PLPP4: variants seen among roughly 807,000 people sequenced by gnomAD.
The protein encoded by PLPP4 is phospholipid phosphatase 4.
A neutral mutation model predicts 32.2 loss-of-function variants in PLPP4; 20 were observed. The ratio of observed to expected loss-of-function variants is 0.62; its 90% CI spans 0.44 to 0.90. The LOEUF (loss-of-function observed/expected upper bound fraction) is 0.90. Ranked by LOEUF, PLPP4 falls within the 40% of genes least tolerant of loss-of-function variation. The pLI, the probability that PLPP4 is intolerant of heterozygous loss-of-function variation, is 0.00. For synonymous variants in PLPP4, 127 were observed against 133.0 expected (o/e 0.95, Z 0.31); for missense variants, 257 against 353.1 (o/e 0.73, Z 2.18).
intron 6 of PLPP4, chr10:120,587,450 T>C (rs1162600369): frequency 6.6e-6 from 1 of 152,252 alleles, no homozygotes; most frequent in Non-Finnish European, 1.5e-5. Context: ...TGTACTTCTT[T>C]TCCTGCTTTG....
chr10:120,498,134 G>A (rs935870876), intron 1 of PLPP4, among the ~76,000 whole-genome samples: 2 of 152,146 alleles, frequency 1.3e-5, no homozygotes, highest in African/African-American at 4.8e-5. Flanking sequence ...ATCTGACTTT[G>A]GGCAGTTAAA....
intron 1 of PLPP4, among the ~76,000 whole-genome samples, chr10:120,501,743 C>G (rs1036174611): frequency 3.3e-5 from 5 of 152,192 alleles, no homozygotes; most frequent in Non-Finnish European, 5.9e-5. Flanking sequence ...CCTGGCCCAT[C>G]AGGGCCACCT....
At chr10:120,463,567 A>G (rs1848172734) in intron 1 of PLPP4, among the ~76,000 whole-genome samples, 1 of 152,230 alleles carries the variant, frequency 6.6e-6, no homozygotes, top group Admixed American at 6.5e-5. Flanking sequence ...AAAAATTGGT[A>G]ACTTCTCGCC....
chr10:120,478,354 G>A (rs1044097727), intron 1 of PLPP4, among the ~76,000 whole-genome samples: 1 of 152,194 alleles, frequency 6.6e-6, no homozygotes, highest in African/African-American at 2.4e-5. Flanking sequence ...GAAGGGAGGT[G>A]TTCAGGGTGC....
chr10:120,564,073 A>G (rs568230144), intron 5 of PLPP4, among the ~76,000 whole-genome samples: 18 of 152,138 alleles, frequency 1.2e-4, no homozygotes, highest in African/African-American at 4.3e-4. Context: ...ATGCAGTGCA[A>G]TAATGCTCAT....
At chr10:120,509,274 G>A (rs1845629570) in intron 2 of PLPP4, among the ~76,000 whole-genome samples, 1 of 152,176 alleles carries the variant, frequency 6.6e-6, no homozygotes, top group Non-Finnish European at 1.5e-5. Context: ...TAAGGAAACT[G>A]AGAATCAAAG....
chr10:120,516,854 G>A (rs886942824), intron 3 of PLPP4, among the ~76,000 whole-genome samples: 5 of 152,154 alleles, frequency 3.3e-5, no homozygotes, highest in Admixed American at 1.3e-4. Context: ...ATTGATCCCC[G>A]GAGGGTTGTG....
chr10:120,475,427 T>C (rs921387714), intron 1 of PLPP4, among the ~76,000 whole-genome samples: 2 of 152,196 alleles, frequency 1.3e-5, no homozygotes, highest in African/African-American at 4.8e-5. Context: ...GCCTTGTCCT[T>C]TTCCCATTCA....
intron 1 of PLPP4, among the ~76,000 whole-genome samples, chr10:120,462,638 A>C (rs1011511202): frequency 6.6e-6 from 1 of 152,214 alleles, no homozygotes; most frequent in Middle Eastern, 3.2e-3. Flanking sequence ...ATTCTGCATC[A>C]GTCCAAAGCA....
intron 1 of PLPP4, among the ~76,000 whole-genome samples, chr10:120,473,206 A>G (rs1848591907): frequency 6.6e-6 from 1 of 152,144 alleles, no homozygotes; most frequent in South Asian, 2.1e-4. Flanking sequence ...TTTTTCCCTA[A>G]GAGTATTGAA....
At position 120,564,699 on chromosome 10, in the gene PLPP4, A is replaced by G. The variant is rs1177084457; in HGVS notation, c.446-10432A>G. Among the ~76,000 whole-genome samples the G allele has an allele frequency of 3.3e-5, 5 of 152,042 alleles. No homozygotes were observed. In the South Asian group the frequency reaches 1.0e-3, roughly 32 times the overall value. On this transcript the variant is annotated intron_variant, in intron 5 of 6. Transcript: ENST00000398250. Reference sequence around the variant, plus strand: ...AATACTTCCTATTATACCTTCTACTACCTGTGTAAGTCATGATCATCTTTA... The same window carrying G: ...AATACTTCCTATTATACCTTCTACTGCCTGTGTAAGTCATGATCATCTTTA...
chr10:120,532,579 G>T (rs534901858), intron 5 of PLPP4, among the ~76,000 whole-genome samples: 1 of 151,876 alleles, frequency 6.6e-6, no homozygotes, highest in African/African-American at 2.4e-5. Context: ...TCACATTTTT[G>T]TCTCTCATAA....
intron 2 of PLPP4, among the ~76,000 whole-genome samples, chr10:120,509,910 C>A (rs1479856151): frequency 6.6e-6 from 1 of 152,104 alleles, no homozygotes; most frequent in East Asian, 1.9e-4. Flanking sequence ...TGTTTACTTT[C>A]TAGGGTAGGA....
At chr10:120,584,987 A>G (rs566405422) in intron 6 of PLPP4, among the ~76,000 whole-genome samples, 3 of 152,368 alleles carry the variant, frequency 2.0e-5, no homozygotes, top group South Asian at 2.1e-4. Context: ...CTTTTGGTCA[A>G]TGATCCACCT....
chr10:120,521,117 T>C, intron 5 of PLPP4, 22 bp downstream of exon 5: 1 of 1,613,502 alleles, frequency 6.2e-7, no homozygotes, highest in Non-Finnish European at 8.5e-7. Context: ...GCTGGGATTC[T>C]CTTAATGCCC....
intron 1 of PLPP4, 108 bp downstream of exon 1, chr10:120,457,469 G>T: frequency 3.1e-6 from 3 of 977,988 alleles, no homozygotes; most frequent in South Asian, 3.5e-5. Flanking sequence ...CTGGGGCCTG[G>T]GTTCGAGGTC....
At chr10:120,544,006 A>G (rs1367708183) in intron 5 of PLPP4, among the ~76,000 whole-genome samples, 1 of 152,198 alleles carries the variant, frequency 6.6e-6, no homozygotes, top group Non-Finnish European at 1.5e-5. Context: ...TTGTTTGTCC[A>G]TTCATCCAGC....
At chr10:120,500,875 C>T (rs1052242813) in intron 1 of PLPP4, among the ~76,000 whole-genome samples, 15 of 152,082 alleles carry the variant, frequency 9.9e-5, no homozygotes, top group African/African-American at 3.1e-4. Flanking sequence ...GGAAGAGGTT[C>T]TCTCCCCCAC....
chr10:120,573,390 A>G (rs1849033987), intron 5 of PLPP4, among the ~76,000 whole-genome samples: 1 of 152,162 alleles, frequency 6.6e-6, no homozygotes, highest in African/African-American at 2.4e-5. Context: ...GATCGCTTTT[A>G]AGAAGGCACA....
Sources: allele counts gnomAD v4.1 joint callset (sites outside exome capture counted in the v4.1 genomes callset), GRCh38; gene constraint gnomAD v4.1.1; transcripts MANE v1.5; gene names NCBI Gene and HGNC (gene_info 2026-07-23, HGNC 2026-07-21).